Variants in LRP1B observed in about 807,000 individuals in gnomAD.
The protein encoded by LRP1B is low-density lipoprotein receptor-related protein 1B.
A neutral mutation model predicts 556.6 loss-of-function variants in LRP1B; 217 were observed. The observed-to-expected ratio is 0.39, with a 90% CI of 0.35 to 0.44. The LOEUF is 0.44. LRP1B is among the 20% of genes least tolerant of loss of function. LRP1B has a pLI of 1.00. For synonymous variants in LRP1B, 2,047 were observed against 1,865.8 expected, an observed-to-expected ratio of 1.10 and a Z score of -2.50; for missense variants, 5,053 against 5,620.8, an observed-to-expected ratio of 0.90 and a Z score of 3.23.
At chr2:141,369,905 T>C (rs1483498568) in intron 3 of LRP1B, among the ~76,000 whole-genome samples, 1 of 152,218 alleles carries the variant, frequency 6.6e-6, no homozygotes, top group South Asian at 2.1e-4. Context: ...TGACTTGCTG[T>C]GTCTGAGTTA....
intron 1 of LRP1B, among the ~76,000 whole-genome samples, chr2:141,999,081 T>TATC (rs1702584275): frequency 6.6e-6 from 1 of 152,190 alleles, no homozygotes; most frequent in Admixed American, 6.5e-5. Flanking sequence ...CAGGGCCTCC[T>TATC]ATCTGTCATG....
At chr2:140,856,607 G>A (rs1181875153) in intron 27 of LRP1B, among the ~76,000 whole-genome samples, 1 of 152,074 alleles carries the variant, frequency 6.6e-6, no homozygotes, top group Admixed American at 6.6e-5. Flanking sequence ...AAAACAATAC[G>A]TGAATGAAGA....
chr2:141,232,397 C>T (rs185308879), intron 5 of LRP1B, among the ~76,000 whole-genome samples: 33 of 152,282 alleles, frequency 2.2e-4, no homozygotes, highest in Admixed American at 1.2e-3. Flanking sequence ...CTATTGAAAG[C>T]ATCCTTGCTG....
intron 60 of LRP1B, among the ~76,000 whole-genome samples, chr2:140,460,149 C>G (rs1687258289): frequency 6.6e-6 from 1 of 152,078 alleles, no homozygotes; most frequent in Admixed American, 6.6e-5. Context: ...TAGAAAAAAA[C>G]TAGTAAATAA....
intron 3 of LRP1B, among the ~76,000 whole-genome samples, chr2:141,358,607 C>T (rs1328542054): frequency 6.6e-6 from 1 of 152,178 alleles, no homozygotes; most frequent in Non-Finnish European, 1.5e-5. Flanking sequence ...AACCGGCTGC[C>T]AAGTTAATTT....
intron 1 of LRP1B, among the ~76,000 whole-genome samples, chr2:142,011,535 C>T (rs2105156326): frequency 6.6e-6 from 1 of 152,266 alleles, no homozygotes; most frequent in Non-Finnish European, 1.5e-5. Context: ...CAATCCCAGA[C>T]TATTGATAGC....
intron 2 of LRP1B, among the ~76,000 whole-genome samples, chr2:141,761,173 A>T (rs1483658472): frequency 1.3e-5 from 2 of 152,162 alleles, no homozygotes; most frequent in Non-Finnish European, 2.9e-5. Context: ...TTCTGTAAAA[A>T]GAGATTGCTT....
At chr2:140,950,157 A>C in intron 20 of LRP1B, 78 bp downstream of exon 20, 1 of 1,067,528 alleles carries the variant, frequency 9.4e-7, no homozygotes, top group Non-Finnish European at 1.3e-6. Context: ...TTTATACAAT[A>C]TTCTCTCTGT....
chr2:141,993,826 T>C (rs1439094881), intron 1 of LRP1B, among the ~76,000 whole-genome samples: 1 of 152,144 alleles, frequency 6.6e-6, no homozygotes. Context: ...AAAATGGCAA[T>C]GTTCACATTG....
At chr2:141,420,317 T>C (rs1175514858) in intron 3 of LRP1B, among the ~76,000 whole-genome samples, 2 of 152,208 alleles carry the variant, frequency 1.3e-5, no homozygotes, top group Non-Finnish European at 2.9e-5. Context: ...TGTTGGGATA[T>C]AAACATTTGA....
Position 142,067,376 on chromosome 2 carries a change from A to G in LRP1B, c.82+63272T>C, listed in dbSNP as rs904467498. 2.0e-5 allele frequency among the ~76,000 whole-genome samples: 3 copies of G among 151,576 alleles called. No homozygotes were observed. The Admixed American group carries it at 2.0e-4, about 10-fold the overall frequency. On this transcript the variant is annotated intron_variant, in intron 1 of 90. Transcript: ENST00000389484. ...AAGTTTAAAAAATGTAATATATTCC[A>G]TGTTGTACAGGCTAGGATTTAATCA...
At chr2:140,723,700 G>A (rs1041305581) in intron 35 of LRP1B, among the ~76,000 whole-genome samples, 2 of 152,144 alleles carry the variant, frequency 1.3e-5, no homozygotes, top group Non-Finnish European at 2.9e-5. Flanking sequence ...TTGCCATATG[G>A]CCAATAATTT....
chr2:140,396,392 C>T (rs1684258924), intron 66 of LRP1B, among the ~76,000 whole-genome samples: 1 of 152,122 alleles, frequency 6.6e-6, no homozygotes, highest in Non-Finnish European at 1.5e-5. Flanking sequence ...AACCACCATA[C>T]AATTGCTCAA....
At chr2:140,459,977 C>A (rs1317439947) in intron 60 of LRP1B, among the ~76,000 whole-genome samples, 1 of 152,134 alleles carries the variant, frequency 6.6e-6, no homozygotes, top group African/African-American at 2.4e-5. Context: ...TCCTGTACAG[C>A]CTATGGAACT....
chr2:140,421,170 G>A (rs918404004), intron 66 of LRP1B, among the ~76,000 whole-genome samples: 5 of 152,008 alleles, frequency 3.3e-5, no homozygotes, highest in African/African-American at 7.3e-5. Flanking sequence ...CAGGAGAGTC[G>A]CTTGAACCCT....
intron 67 of LRP1B, among the ~76,000 whole-genome samples, 175 bp downstream of exon 67, chr2:140,385,718 T>A (rs999103745): frequency 6.6e-6 from 1 of 152,210 alleles, no homozygotes; most frequent in Non-Finnish European, 1.5e-5. Context: ...ATTTCAATAA[T>A]TCTACCATTT....
intron 32 of LRP1B, among the ~76,000 whole-genome samples, chr2:140,795,854 T>G (rs565811247): frequency 6.6e-6 from 1 of 152,212 alleles, no homozygotes; most frequent in African/African-American, 2.4e-5. Flanking sequence ...ATGAGCAGAC[T>G]TCAGGAGTAA....
chr2:141,259,547 G>A (rs1684609459), intron 3 of LRP1B, among the ~76,000 whole-genome samples: 1 of 152,144 alleles, frequency 6.6e-6, no homozygotes, highest in Admixed American at 6.6e-5. Flanking sequence ...CAGCCATCTG[G>A]GTGCAGGGAA....
At chr2:142,102,150 T>C (rs949744161) in intron 1 of LRP1B, among the ~76,000 whole-genome samples, 6 of 151,964 alleles carry the variant, frequency 3.9e-5, no homozygotes, top group Non-Finnish European at 7.4e-5. Flanking sequence ...CTTTAACACT[T>C]ACTGGCTGTT....
Sources: allele counts gnomAD v4.1 joint callset (sites outside exome capture counted in the v4.1 genomes callset), GRCh38; gene constraint gnomAD v4.1.1; transcripts MANE v1.5; gene names NCBI Gene and HGNC (gene_info 2026-07-23, HGNC 2026-07-21).